BPIFB6: variants seen among roughly 807,000 people sequenced by gnomAD.
BPIFB6 encodes the protein BPI fold containing family B member 6.
A neutral mutation model predicts 54.7 loss-of-function variants in BPIFB6; 47 were observed. That is an observed-to-expected ratio of 0.86 (90% confidence interval 0.68 to 1.10). The LOEUF is 1.10. BPIFB6 is among the 50% of genes least tolerant of loss of function. The pLI is 0.00. For missense variants in BPIFB6, 603 were observed against 564.1 expected (o/e 1.07, Z -0.70); for synonymous variants, 255 against 225.9 (o/e 1.13, Z -1.16).
intron 5 of BPIFB6, 126 bp from the exon 6 acceptor site, chr20:33,035,486 G>A (rs1979297306): frequency 1.1e-6 from 1 of 949,946 alleles, no homozygotes. Context: ...TGGGACTTGG[G>A]ACCTCAGTTT....
Position 33,038,889 on chromosome 20 carries a change from C to T in BPIFB6, c.847-20C>T. The T allele has an allele frequency of 6.2e-7, 1 of 1,613,932 alleles. No homozygotes were observed. Among genetic ancestry groups the T allele is most frequent in the Non-Finnish European group, 8.5e-7 (1 of 1,179,840 alleles). On this transcript the variant is annotated intron_variant, in intron 8 of 14. Coordinates refer to ENST00000349552, the MANE Select transcript of BPIFB6 (RefSeq NM_174897.2). ...CCAGGGAGGACTCCAGCAACCCTAA[C>T]CTTGACTTTTATTCTGTAGATTGGT... is the stretch of plus-strand genomic sequence containing the variant.
Position 33,034,775 on chromosome 20 carries a change from G to A in BPIFB6, c.315G>A (p.Gly105=). ...MTVTGKSFMG[G]NMEIIVALNI... ...CTCTGTCCTCCAGCTTCATGGGAGG[G>A]AACATGGAGATCATCGTGGCCCTGA... Residue 105 remains glycine, a synonymous_variant, in exon 4 of 15, where the codon GGG becomes GGA. Transcript: ENST00000349552. The A allele has an allele frequency of 1.2e-6, 2 of 1,610,904 alleles. No individual in the cohort carries two copies. Among genetic ancestry groups the A allele is most frequent in the Non-Finnish European group, 1.7e-6 (2 of 1,177,658 alleles).
rs1979402920 is a variant in BPIFB6, at chr20:33,037,670, G to A, written c.778G>A (p.Ala260Thr). The change falls in exon 8 of 15, where the codon GCC (alanine) becomes ACC (threonine). Residue 260 changes from alanine (A) to threonine (T), a missense_variant. Ala to Thr is a moderately conservative substitution (Grantham distance 58, BLOSUM62 0). Coordinates refer to ENST00000349552, the MANE Select transcript of BPIFB6 (RefSeq NM_174897.2). ...AKGSSQLLLPATFLSAELALL... is the reference protein window; with the variant it reads ...AKGSSQLLLPTTFLSAELALL... The stretch of plus-strand genomic sequence containing the variant: ...AGGCTCGTCGCAGCTGCTGCTCCCA[G>A]CCACCTTCCTCTCTGCAGAGCTTGC... The A allele has an allele frequency of 1.2e-6, 2 of 1,613,994 alleles. No individual in the cohort carries two copies. Among genetic ancestry groups the A allele is most frequent in the Admixed American group, 1.7e-5 (1 of 60,004 alleles).
At chr20:33,034,713 C>G (rs781681923) in intron 3 of BPIFB6, 50 bp from the exon 4 acceptor site, 1 of 1,544,566 alleles carries the variant, frequency 6.5e-7, no homozygotes, top group Admixed American at 1.9e-5. Context: ...GCAGGGAGAG[C>G]GGACACCATG....
At chr20:33,042,336 C>T (rs1180233782) in intron 12 of BPIFB6, among the ~76,000 whole-genome samples, 1 of 152,242 alleles carries the variant, frequency 6.6e-6, no homozygotes, top group Non-Finnish European at 1.5e-5. Context: ...GGGCCCAACA[C>T]AGAACCTGAC....
chr20:33,032,366 G>A (rs1310004577), intron 1 of BPIFB6, among the ~76,000 whole-genome samples: 2 of 152,092 alleles, frequency 1.3e-5, no homozygotes, highest in African/African-American at 4.8e-5. Context: ...TGTTTCTGGC[G>A]GGGTGTTACT....
Position 33,042,995 on chromosome 20 carries a change from G to A in BPIFB6, c.1252+117G>A, listed in dbSNP as rs6059041. 1,895 of 909,734 alleles carry A rather than the reference G, an allele frequency of 2.1e-3. 23 individuals carry two copies. The African/African-American group carries it at 0.029, about 14-fold the overall frequency. The allele number at this position is 909,734 out of a possible 1,614,324, so 56.4% of individuals were successfully genotyped here. A position where few individuals can be genotyped will look rare whatever the true frequency, so the allele number is the denominator to read the frequency against. On this transcript the variant is annotated intron_variant, in intron 13 of 14. Coordinates refer to ENST00000349552, the MANE Select transcript of BPIFB6 (RefSeq NM_174897.2). ...GGGCCCAGATGGGGGAAGCTAAAAGGGAGTGGAAGATAATTGCTGAATCTT... is the reference window on the plus strand; with the variant it reads ...GGGCCCAGATGGGGGAAGCTAAAAGAGAGTGGAAGATAATTGCTGAATCTT...
At chr20:33,036,732 A>C (rs778485344) in intron 7 of BPIFB6, among the ~76,000 whole-genome samples, 196 bp downstream of exon 7, 3 of 152,216 alleles carry the variant, frequency 2.0e-5, no homozygotes, top group Non-Finnish European at 2.9e-5. Flanking sequence ...GCGAACCTTC[A>C]GTGCCCCAGC....
At chr20:33,037,434 C>G (rs1261586052) in intron 7 of BPIFB6, 128 bp from the exon 8 acceptor site, 3 of 927,548 alleles carry the variant, frequency 3.2e-6, no homozygotes, top group Non-Finnish European at 4.8e-6. Flanking sequence ...TTGTGGTTCT[C>G]TTAATAAGAT....
At position 33,041,965 on chromosome 20, in the gene BPIFB6, C is replaced by T; in HGVS notation, c.1143-5C>T. ...CGCCTGGCTTGCTTCCCCACTCCCC[C>T]ACAGATTACTGAGCTTGTCCCGGAA... On this transcript the variant is annotated splice_polypyrimidine_tract_variant and splice_region_variant and intron_variant, in intron 11 of 14. Transcript: ENST00000349552. 6.2e-7 allele frequency: 1 copy of T among 1,614,098 alleles called. No homozygotes were observed. The highest frequency in any genetic ancestry group is 2.2e-5 in the East Asian group (1 of 44,870).
rs1352038538 is a variant in BPIFB6, at chr20:33,034,773, G to A, written c.313G>A (p.Gly105Arg). 1 of 1,608,744 alleles carries A rather than the reference G, an allele frequency of 6.2e-7. No individual in the cohort carries two copies. Among genetic ancestry groups the A allele is most frequent in the Non-Finnish European group, 8.5e-7 (1 of 1,175,938 alleles). ...MTVTGKSFMG[G>R]NMEIIVALNI... is the part of the protein sequence containing the mutation. ...TGCTCTGTCCTCCAGCTTCATGGGA[G>A]GGAACATGGAGATCATCGTGGCCCT... Residue 105 changes from glycine (G) to arginine (R), a missense_variant, in exon 4 of 15, where the codon GGG becomes AGG. By Grantham distance (125) the Gly-to-Arg change is moderately radical. Transcript: ENST00000349552.
At chr20:33,038,407 C>A (rs759068141) in intron 8 of BPIFB6, among the ~76,000 whole-genome samples, 1 of 152,152 alleles carries the variant, frequency 6.6e-6, no homozygotes, top group Non-Finnish European at 1.5e-5. Flanking sequence ...ATTTATCATT[C>A]TACTCCACCA....
At chr20:33,033,871 C>G in intron 2 of BPIFB6, among the ~76,000 whole-genome samples, 1 of 152,184 alleles carries the variant, frequency 6.6e-6, no homozygotes, top group South Asian at 2.1e-4. Flanking sequence ...TTGAGAAACC[C>G]TGATCTAAGC....
At position 33,033,008 on chromosome 20, in the gene BPIFB6, G is replaced by A; in HGVS notation, c.122G>A (p.Ser41Asn). 1 of 1,614,034 alleles carries A rather than the reference G, an allele frequency of 6.2e-7. No individual in the cohort carries two copies. The highest frequency in any genetic ancestry group is 8.5e-7 in the Non-Finnish European group (1 of 1,179,924). Residue 41 changes from serine to asparagine, a missense_variant, in exon 2 of 15, where the codon AGT becomes AAT. Physicochemically the swap from Ser to Asn is conservative, Grantham distance 46 (BLOSUM62 1). Transcript: ENST00000349552. Reference protein sequence around the residue: ...MNQVQSAMDESHILEKMAAEA... With the variant: ...MNQVQSAMDENHILEKMAAEA... The stretch of plus-strand genomic sequence containing the variant: ...GAGGTCCAGAGCGCCATGGATGAGA[G>A]TCATATCCTGGAGAAGATGGCAGCC...
intron 1 of BPIFB6, among the ~76,000 whole-genome samples, chr20:33,031,961 G>A (rs1287740842): frequency 6.6e-6 from 1 of 152,172 alleles, no homozygotes; most frequent in Non-Finnish European, 1.5e-5. Flanking sequence ...CAAGTTAGAG[G>A]CAGAGCTGAA....
At chr20:33,041,205 G>T (rs1979570821) in intron 11 of BPIFB6, among the ~76,000 whole-genome samples, 1 of 152,014 alleles carries the variant, frequency 6.6e-6, no homozygotes, top group Non-Finnish European at 1.5e-5. Context: ...TAGCCAGGAT[G>T]GTCTGGATTT....
At chr20:33,043,058 C>T (rs943871809) in intron 13 of BPIFB6, among the ~76,000 whole-genome samples, 180 bp downstream of exon 13, 2 of 152,222 alleles carry the variant, frequency 1.3e-5, no homozygotes, top group Non-Finnish European at 2.9e-5. Flanking sequence ...TGTCTGAAGA[C>T]AAATGCCTCT....
chr20:33,042,723 G>T, intron 12 of BPIFB6, 92 bp from the exon 13 acceptor site: 1 of 1,197,368 alleles, frequency 8.4e-7, no homozygotes, highest in Non-Finnish European at 1.2e-6. Context: ...TCACTTCTGT[G>T]GTCCCCAGGC....
chr20:33,034,249 C>T lies in BPIFB6; in HGVS notation c.261C>T (p.Ile87=), dbSNP rs1192980513. The T allele has an allele frequency of 1.3e-5, 21 of 1,613,968 alleles. No individual in the cohort carries two copies. Among genetic ancestry groups the T allele is most frequent in the Non-Finnish European group, 1.7e-5 (20 of 1,179,958 alleles). The part of the protein sequence containing the change: ...ITLNFVPGVG[I]FQCVSTGMTV... ...TGAACTTTGTACCTGGAGTGGGCAT[C>T]TTCCAATGTGTGTCCACAGGCATGA... Residue 87 remains isoleucine (I), a synonymous_variant, in exon 3 of 15, where the codon ATC becomes ATT. Coordinates refer to ENST00000349552, the MANE Select transcript of BPIFB6 (RefSeq NM_174897.2).
Sources: gnomAD v4.1 joint callset for allele counts (sites outside exome capture counted in the v4.1 genomes callset) on GRCh38, gnomAD v4.1.1 for gene constraint, MANE v1.5 for transcripts, NCBI Gene and HGNC (gene_info 2026-07-23, HGNC 2026-07-21) for gene names.